The following PPP2R1B variants were observed in gnomAD, a reference collection of about 807,000 sequenced individuals.
PPP2R1B encodes serine/threonine-protein phosphatase 2A 65 kDa regulatory subunit A beta isoform.
PPP2R1B carries 58 observed loss-of-function variants against 72.7 expected under a neutral mutation model. The observed-to-expected ratio is 0.80, with a 90% confidence interval of 0.65 to 0.99. PPP2R1B has a LOEUF of 0.99. PPP2R1B is among the 50% of genes least tolerant of loss of function. PPP2R1B has a pLI of 0.00. For synonymous variants in PPP2R1B, 256 were observed against 264.6 expected (o/e 0.97, Z 0.32); for missense variants, 695 against 733.6 (o/e 0.95, Z 0.61).
Position 111,741,588 on chromosome 11 carries a change from G to C in PPP2R1B, c.*8C>G. The stretch of plus-strand genomic sequence containing the variant: ...ATCTAGTAAAGGCCTTTTCCCTCCT[G>C]CTCCTCATTATGCCAATGCAAGAAC... On this transcript the variant is annotated 3_prime_UTR_variant, in exon 15 of 15. Transcript: ENST00000527614. 1 of 1,613,272 alleles carries C rather than the reference G, an allele frequency of 6.2e-7. No homozygotes were observed. Among genetic ancestry groups the C allele is most frequent in the Non-Finnish European group, 8.5e-7 (1 of 1,179,848 alleles).
chr11:111,724,115 G>A (rs1303032392), downstream of PPP2R1B: 2 of 1,609,950 alleles, frequency 1.2e-6, no homozygotes, highest in Non-Finnish European at 1.7e-6. Context: ...CAACGGGTAT[G>A]TCCTGGTGAA....
the PPP2R1B span, chr11:111,720,034 C>G: frequency 6.8e-5 from 108 of 1,588,446 alleles, no homozygotes; most frequent in Middle Eastern, 5.4e-4. Flanking sequence ...TAGCTTGAGT[C>G]TTCATGGCAT....
At chr11:111,750,288 G>A (rs547348871) in intron 10 of PPP2R1B, among the ~76,000 whole-genome samples, 7 of 152,304 alleles carry the variant, frequency 4.6e-5, no homozygotes, top group Admixed American at 2.6e-4. Context: ...TGGGAGTGAG[G>A]AAGGGGAAAC....
At chr11:111,701,019 T>C in the PPP2R1B span, 30 of 1,612,904 alleles carry the variant, frequency 1.9e-5, no homozygotes, top group Non-Finnish European at 2.5e-6. The surrounding 1 kb of genome is among the most constrained non-coding windows in gnomAD (Gnocchi z 4.2). Context: ...GGGTACTGCT[T>C]TGCTTTGCTG....
At chr11:111,706,532 G>T in the PPP2R1B span, among the ~76,000 whole-genome samples, 1 of 152,112 alleles carries the variant, frequency 6.6e-6, no homozygotes, top group Non-Finnish European at 1.5e-5. Context: ...TATTTCTTTG[G>T]CAGTTTTACA....
the PPP2R1B span, chr11:111,720,709 C>A: frequency 6.2e-7 from 1 of 1,612,464 alleles, no homozygotes. Flanking sequence ...CACAACAGGT[C>A]TCCAGTGAGC....
intron 10 of PPP2R1B, among the ~76,000 whole-genome samples, chr11:111,750,131 C>CT (rs1555047443): frequency 6.6e-6 from 1 of 152,210 alleles, no homozygotes; most frequent in African/African-American, 2.4e-5. Flanking sequence ...GAATCGGACA[C>CT]TTTCAATTTT....
At chr11:111,704,898 A>G in the PPP2R1B span, 1 of 1,423,908 alleles carries the variant, frequency 7.0e-7, no homozygotes, top group Non-Finnish European at 9.4e-7. Flanking sequence ...AAGAGCACAC[A>G]ATTTCTTTCC....
downstream of PPP2R1B, chr11:111,726,066 T>C (rs1943955969): frequency 1.3e-5 from 2 of 152,256 alleles, no homozygotes; most frequent in Admixed American, 1.3e-4. Context: ...ATCATTTCAT[T>C]AAGATCTCTA....
intron 10 of PPP2R1B, among the ~76,000 whole-genome samples, chr11:111,748,965 G>A (rs1944802638): frequency 6.6e-6 from 1 of 151,794 alleles, no homozygotes; most frequent in Non-Finnish European, 1.5e-5. Flanking sequence ...TCCTGCCTCA[G>A]CCTCTCAAGT....
chr11:111,712,668 C>T, the PPP2R1B span, among the ~76,000 whole-genome samples: 1 of 152,174 alleles, frequency 6.6e-6, no homozygotes, highest in East Asian at 1.9e-4. Flanking sequence ...CCAGATCTCT[C>T]ACAAGTGTTT....
the PPP2R1B span, among the ~76,000 whole-genome samples, chr11:111,715,037 A>G: frequency 8.5e-5 from 13 of 152,244 alleles, no homozygotes; most frequent in African/African-American, 3.1e-4. Flanking sequence ...AGCTATTTTT[A>G]AAGCTTGTGA....
In PPP2R1B at chr11:111,739,939, T is replaced by C. The variant is rs948252013; in HGVS notation, c.*1657A>G. Reference sequence around the variant, plus strand: ...TAAAATGCAGACAGATAACCTCTGATTTACAATTTCTATTTTTCGAATGTA... The same window carrying C: ...TAAAATGCAGACAGATAACCTCTGACTTACAATTTCTATTTTTCGAATGTA... On this transcript the variant is annotated 3_prime_UTR_variant, in exon 15 of 15. Coordinates refer to ENST00000527614, the MANE Select transcript of PPP2R1B (RefSeq NM_002716.5). 8 of 979,942 alleles carry C rather than the reference T, an allele frequency of 8.2e-6. No individual in the cohort carries two copies. The highest frequency in any genetic ancestry group is 9.7e-6 in the Non-Finnish European group (8 of 825,012). The allele number at this position is 979,942 out of a possible 1,614,324, so 60.7% of individuals were successfully genotyped here. A position where few individuals can be genotyped will look rare whatever the true frequency, so the allele number is the denominator to read the frequency against.
intron 15 of PPP2R1B, among the ~76,000 whole-genome samples, chr11:111,732,713 C>G (rs1156961065): frequency 6.6e-6 from 1 of 152,046 alleles, no homozygotes; most frequent in Non-Finnish European, 1.5e-5. Context: ...AACAAACAAA[C>G]AAAGCTCAGA....
At chr11:111,706,879 G>C in the PPP2R1B span, among the ~76,000 whole-genome samples, 2 of 149,286 alleles carry the variant, frequency 1.3e-5, no homozygotes, top group Non-Finnish European at 1.5e-5. Flanking sequence ...AGAATCGCTT[G>C]AACCTGGGAG....
chr11:111,761,115 T>C, intron 3 of PPP2R1B, 64 bp from the exon 4 acceptor site: 1 of 1,375,172 alleles, frequency 7.3e-7, no homozygotes, highest in Non-Finnish European at 1.0e-6. Context: ...AAACAGATAA[T>C]CACCTTTTAA....
Position 111,755,586 on chromosome 11 carries a change from TTTTC to T in PPP2R1B, c.688-140_688-137del, listed in dbSNP as rs1296737387. On this transcript the variant is annotated intron_variant, in intron 5 of 14. Coordinates refer to ENST00000527614, the MANE Select transcript of PPP2R1B (RefSeq NM_002716.5). Reference sequence around the variant, plus strand: ...TATATAGTTTCACGTCTTGACATCTTTTTCTTTTTTTTTTTTTTTTTGAGGCAGG... The same window carrying T: ...TATATAGTTTCACGTCTTGACATCTTTTTTTTTTTTTTTTTTTGAGGCAGG... The T allele has an allele frequency of 1.5e-4, 115 of 770,790 alleles. No homozygotes were observed. The South Asian group carries it at 2.6e-3, about 17-fold the overall frequency. The allele number at this position is 770,790 out of a possible 1,614,324, so 47.7% of individuals were successfully genotyped here.
chr11:111,760,949 C>T lies in PPP2R1B; in HGVS notation c.409G>A (p.Glu137Lys), dbSNP rs1555051189. Residue 137 changes from glutamate (E) to lysine (K), a missense_variant, in exon 4 of 15, where the codon GAA becomes AAA. Physicochemically the swap from Glu to Lys is moderately conservative, Grantham distance 56. Coordinates refer to ENST00000527614, the MANE Select transcript of PPP2R1B (RefSeq NM_002716.5). ...TTCACCAGAGGTACAAAATAAGCTT[C>T]CAGAGCAACAGGAGTATGCTCCTGG... The part of the protein sequence containing the change: ...ISQEHTPVAL[E>K]AYFVPLVKRL... 1 of 1,614,200 alleles carries T rather than the reference C, an allele frequency of 6.2e-7. No homozygotes were observed. Among genetic ancestry groups the T allele is most frequent in the African/African-American group, 1.3e-5 (1 of 75,048 alleles).
intron 12 of PPP2R1B, 50 bp from the exon 13 acceptor site, chr11:111,742,715 A>C (rs1417948227): frequency 6.9e-7 from 1 of 1,446,526 alleles, no homozygotes; most frequent in African/African-American, 1.4e-5. Context: ...AAAAATTCCA[A>C]AATCTAATGA....
Sources: gnomAD v4.1 joint callset for allele counts (sites outside exome capture counted in the v4.1 genomes callset) on GRCh38, gnomAD v4.1.1 for gene constraint, Gnocchi (gnomAD v3.1) non-coding constraint, MANE v1.5 for transcripts, NCBI Gene and HGNC (gene_info 2026-07-23, HGNC 2026-07-21) for gene names.